The following ANKFN1 variants were observed in gnomAD, a reference collection of about 807,000 sequenced individuals.
ANKFN1 encodes ankyrin repeat and fibronectin type III domain containing 1.
ANKFN1 carries 74 observed loss-of-function variants against 108.7 expected under a neutral mutation model. The observed-to-expected ratio is 0.68, with a 90% CI of 0.56 to 0.83. ANKFN1 has a LOEUF of 0.83. Among genes scored for constraint, ANKFN1 ranks in the 40% least tolerant of loss-of-function variants. The pLI, the probability that ANKFN1 is intolerant of heterozygous loss-of-function variation, is 0.00. For missense variants in ANKFN1, 1,505 were observed against 1,382.3 expected (o/e 1.09, Z -1.41); for synonymous variants, 547 against 516.2 (o/e 1.06, Z -0.81).
At chr17:56,242,758 T>C (rs1027866852) in intron 3 of ANKFN1, among the ~76,000 whole-genome samples, 1 of 152,130 alleles carries the variant, frequency 6.6e-6, no homozygotes, top group African/African-American at 2.4e-5. Context: ...TTAGTAAGAA[T>C]TTATTTAAAA....
intron 2 of ANKFN1, among the ~76,000 whole-genome samples, chr17:56,225,357 A>G (rs968877068): frequency 1.3e-5 from 2 of 152,208 alleles, no homozygotes; most frequent in South Asian, 4.1e-4. Flanking sequence ...ATTATTAAAT[A>G]TGAATTTTTT....
chr17:56,205,854 T>C (rs535055145), intron 1 of ANKFN1, among the ~76,000 whole-genome samples: 10 of 152,276 alleles, frequency 6.6e-5, no homozygotes, highest in Admixed American at 6.5e-4. Flanking sequence ...TATCAAGAAA[T>C]GTCAGAATCT....
At chr17:56,405,879 A>G (rs1360059655) in intron 8 of ANKFN1, among the ~76,000 whole-genome samples, 1 of 152,180 alleles carries the variant, frequency 6.6e-6, no homozygotes, top group Non-Finnish European at 1.5e-5. Flanking sequence ...TGGAAGATGT[A>G]TAGGACGCTA....
chr17:56,149,390 A>C (rs1417507653), upstream of ANKFN1, among the ~76,000 whole-genome samples: 1 of 152,212 alleles, frequency 6.6e-6, no homozygotes, highest in Non-Finnish European at 1.5e-5. Flanking sequence ...ATAACTGGTG[A>C]GACTTGAATC....
At chr17:56,396,226 T>C (rs1327024343) in intron 8 of ANKFN1, among the ~76,000 whole-genome samples, 1 of 152,188 alleles carries the variant, frequency 6.6e-6, no homozygotes, top group Non-Finnish European at 1.5e-5. Context: ...GGCGGGCAGA[T>C]CACTTGAGGT....
chr17:56,094,784 T>A (rs1044676341), intron 4 of ANKFN1, among the ~76,000 whole-genome samples: 1 of 149,446 alleles, frequency 6.7e-6, no homozygotes, highest in Non-Finnish European at 1.5e-5. Flanking sequence ...CCTCCCAAAG[T>A]GTCGGGATTA....
intron 3 of ANKFN1, among the ~76,000 whole-genome samples, chr17:56,309,772 A>T (rs1313777623): frequency 6.6e-6 from 1 of 152,256 alleles, no homozygotes; most frequent in East Asian, 1.9e-4. Context: ...ATTAACAACA[A>T]TAACTAATAA....
At chr17:56,087,142 G>A (rs530356854) in intron 4 of ANKFN1, among the ~76,000 whole-genome samples, 4 of 151,304 alleles carry the variant, frequency 2.6e-5, no homozygotes, top group Admixed American at 6.6e-5. Flanking sequence ...CACTGATGGA[G>A]CCAGGATCTG....
At chr17:56,169,097 G>A (rs542386304) in intron 1 of ANKFN1, among the ~76,000 whole-genome samples, 3 of 152,240 alleles carry the variant, frequency 2.0e-5, no homozygotes, top group South Asian at 2.1e-4. Flanking sequence ...GAGCATCAAA[G>A]AGGCATATCC....
intron 4 of ANKFN1, among the ~76,000 whole-genome samples, chr17:56,335,862 T>C (rs1880942825): frequency 6.6e-6 from 1 of 152,244 alleles, no homozygotes; most frequent in African/African-American, 2.4e-5. Context: ...TTGTCATAAA[T>C]AGCTCTTATT....
intron 8 of ANKFN1, among the ~76,000 whole-genome samples, chr17:56,388,576 A>G (rs2047341339): frequency 6.6e-6 from 1 of 152,206 alleles, no homozygotes; most frequent in African/African-American, 2.4e-5. Context: ...ATGTTTATAC[A>G]TTATGAGTGT....
At chr17:56,061,525 G>A (rs1904976478) in intron 4 of ANKFN1, among the ~76,000 whole-genome samples, 1 of 151,990 alleles carries the variant, frequency 6.6e-6, no homozygotes, top group Admixed American at 6.5e-5. Flanking sequence ...TGCCCACCTT[G>A]GCCTCCCAAA....
intron 8 of ANKFN1, among the ~76,000 whole-genome samples, chr17:56,384,678 G>T (rs2047209167): frequency 6.6e-6 from 1 of 152,148 alleles, no homozygotes; most frequent in South Asian, 2.1e-4. Flanking sequence ...CACCAATATA[G>T]ATAAACAGAG....
chr17:56,374,688 A>G lies in ANKFN1; in HGVS notation c.884A>G (p.Asn295Ser), dbSNP rs1188287939. 3 of 1,613,800 alleles carry G rather than the reference A, an allele frequency of 1.9e-6. No individual in the cohort carries two copies. Among genetic ancestry groups the G allele is most frequent in the South Asian group, 1.1e-5 (1 of 91,064 alleles). Residue 295 changes from asparagine to serine, a missense_variant, in exon 8 of 21, where the codon AAT becomes AGT. Asn to Ser is a conservative substitution (Grantham distance 46, BLOSUM62 1). Transcript: ENST00000682825. ...AGCTTCCAAGAGCCTCTTAGCGTCA[A>G]TGCAGCTGTAGTAACCAGGTATAAA... The part of the protein sequence containing the change: ...TVSFQEPLSV[N>S]AAVVTRYKVE...
intron 3 of ANKFN1, among the ~76,000 whole-genome samples, chr17:56,294,383 G>A (rs1293935881): frequency 1.3e-5 from 2 of 152,208 alleles, no homozygotes; most frequent in Non-Finnish European, 2.9e-5. Context: ...CCGACTTCAA[G>A]ATTCTTAGGC....
At chr17:56,461,462 G>A (rs532920727) in intron 14 of ANKFN1, among the ~76,000 whole-genome samples, 3 of 152,180 alleles carry the variant, frequency 2.0e-5, no homozygotes, top group South Asian at 2.1e-4. Context: ...GTCTTTCTCC[G>A]TATCCTTTGC....
At chr17:56,207,627 T>C (rs1368365171) in intron 1 of ANKFN1, among the ~76,000 whole-genome samples, 1 of 152,284 alleles carries the variant, frequency 6.6e-6, no homozygotes, top group South Asian at 2.1e-4. Flanking sequence ...GTCTTCTCAT[T>C]CTCCACTCTT....
At chr17:56,254,141 T>G (rs2043300449) in intron 3 of ANKFN1, 1 of 152,152 alleles carries the variant, frequency 6.6e-6, no homozygotes, top group Admixed American at 6.5e-5. Flanking sequence ...AGAAAATGCT[T>G]AGAGGAGCAA....
chr17:56,482,565 C>T (rs771588312), intron 18 of ANKFN1, 41 bp downstream of exon 18: 58 of 1,592,096 alleles, frequency 3.6e-5, no homozygotes, highest in Non-Finnish European at 5.0e-5. Context: ...AACCCAGCCT[C>T]CTTATAATAA....
Sources: gnomAD v4.1 joint callset for allele counts (sites outside exome capture counted in the v4.1 genomes callset) on GRCh38, gnomAD v4.1.1 for gene constraint, MANE v1.5 for transcripts, NCBI Gene and HGNC (gene_info 2026-07-23, HGNC 2026-07-21) for gene names.